The following TASOR2 variants were observed in gnomAD, a reference collection of about 807,000 sequenced individuals.
TASOR2 encodes transcription activation suppressor family member 2.
TASOR2 carries 84 observed loss-of-function variants against 199.5 expected under a neutral mutation model. The observed-to-expected ratio is 0.42, with a 90% CI of 0.35 to 0.50. The LOEUF is 0.50. Ranked by LOEUF, TASOR2 falls within the 20% of genes least tolerant of loss-of-function variation. TASOR2 has a pLI of 0.02. For synonymous variants in TASOR2, 1,103 were observed against 1,046.6 expected, an observed-to-expected ratio of 1.05 and a Z score of -1.04; for missense variants, 2,796 against 2,835.9, an observed-to-expected ratio of 0.99 and a Z score of 0.32.
chr10:5,760,547 T>G (rs1392188960), intron 18 of TASOR2, among the ~76,000 whole-genome samples: 1 of 152,176 alleles, frequency 6.6e-6, no homozygotes, highest in Non-Finnish European at 1.5e-5. Flanking sequence ...ATTTTAAAGT[T>G]TATACAAAAT....
exon 13 of TASOR2, chr10:5,739,952 A>G (rs1450575634): frequency 7.4e-6 from 12 of 1,613,998 alleles, no homozygotes; most frequent in Non-Finnish European, 1.0e-5. Flanking sequence ...AAAAAGGTGA[A>G]TTACTACCTA....
Position 5,722,161 on chromosome 10 carries a change from A to G in TASOR2, c.146+1191A>G, listed in dbSNP as rs1336920299. On this transcript the variant is annotated intron_variant, in intron 6 of 20. Coordinates refer to ENST00000328090, the Ensembl canonical transcript of TASOR2. This position sits in a 1 kb window ranked among gnomAD's most constrained non-coding sequence, Gnocchi z 4.0. ...CTTATTGCTTTGGGGTTGTATAAGA[A>G]AATTTGCTAGGGGCCAGGCACAGTG... Among the ~76,000 whole-genome samples the G allele has an allele frequency of 6.6e-6, 1 of 152,176 alleles. No homozygotes were observed. The highest frequency in any genetic ancestry group is 1.5e-5 in the Non-Finnish European group (1 of 68,046).
chr10:5,710,074 G>C lies in TASOR2; in HGVS notation c.-287-2749G>C, dbSNP rs913738542. Among the ~76,000 whole-genome samples, 1 of 152,158 alleles carries C rather than the reference G, an allele frequency of 6.6e-6. No individual in the cohort carries two copies. Among genetic ancestry groups the C allele is most frequent in the African/African-American group, 2.4e-5 (1 of 41,452 alleles). ...AATAAAGCTTGAGCATTGCTCAGCA[G>C]TTATGAGACCATTCATTCATAAAGT... is the stretch of plus-strand genomic sequence containing the variant. On this transcript the variant is annotated intron_variant, in intron 1 of 20. Transcript: ENST00000328090. The surrounding 1 kb of genome is among the most constrained non-coding windows in gnomAD (Gnocchi z 4.6).
In TASOR2 at chr10:5,754,839, T is replaced by C. The variant is rs536887383; in HGVS notation, c.6607-1774T>C. Among the ~76,000 whole-genome samples, 54 of 151,724 alleles carry C rather than the reference T, an allele frequency of 3.6e-4. No homozygotes were observed. The highest frequency in any genetic ancestry group is 3.4e-3 in the Middle Eastern group (1 of 294). Reference sequence around the variant, plus strand: ...TGGGCGGATCACAAGGTCAGGAGATTGAGACCTTCCTGGCTAACACCGTGA... The same window carrying C: ...TGGGCGGATCACAAGGTCAGGAGATCGAGACCTTCCTGGCTAACACCGTGA... On this transcript the variant is annotated intron_variant, in intron 15 of 20. Transcript: ENST00000328090. The surrounding 1 kb of genome is among the most constrained non-coding windows in gnomAD (Gnocchi z 4.3).
chr10:5,744,693 TG>T (rs1470885946), intron 14 of TASOR2, among the ~76,000 whole-genome samples: 5 of 151,976 alleles, frequency 3.3e-5, no homozygotes, highest in Non-Finnish European at 7.4e-5. Context: ...TTGTTTGGTT[TG>T]GTTTTTTTGA....
In TASOR2 at chr10:5,699,167, T is replaced by A. The variant is rs1050440985; in HGVS notation, c.-287-13656T>A. ...CATAAAAAGGTATGAAATATTGATA[T>A]ATGCTTTAACATGGATGAACTTCAA... is the stretch of plus-strand genomic sequence containing the variant. On this transcript the variant is annotated intron_variant, in intron 1 of 20. Transcript: ENST00000328090. This position sits in a 1 kb window ranked among gnomAD's most constrained non-coding sequence, Gnocchi z 4.1. 6.6e-6 allele frequency among the ~76,000 whole-genome samples: 1 copy of A among 152,166 alleles called. No individual in the cohort carries two copies. Among genetic ancestry groups the A allele is most frequent in the Non-Finnish European group, 1.5e-5 (1 of 67,992 alleles).
chr10:5,743,569 G>A (rs1477189530), intron 14 of TASOR2, among the ~76,000 whole-genome samples: 2 of 152,150 alleles, frequency 1.3e-5, no homozygotes, highest in African/African-American at 2.4e-5. Context: ...AACTATGTAT[G>A]TGCTTTTTTT....
intron 1 of TASOR2, among the ~76,000 whole-genome samples, chr10:5,709,000 C>A (rs1039581477): frequency 6.6e-6 from 1 of 152,094 alleles, no homozygotes; most frequent in Non-Finnish European, 1.5e-5. Flanking sequence ...CCTCGCCCAG[C>A]CTAATCTGAA....
At chr10:5,718,628 G>A (rs902980149) in intron 3 of TASOR2, among the ~76,000 whole-genome samples, 4 of 151,704 alleles carry the variant, frequency 2.6e-5, no homozygotes, top group South Asian at 2.1e-4. Context: ...ACGTGGTGGC[G>A]GGTGCCTGTA....
At chr10:5,727,296 C>T (rs1021433998) in intron 10 of TASOR2, among the ~76,000 whole-genome samples, 173 bp downstream of exon 11, 1 of 152,194 alleles carries the variant, frequency 6.6e-6, no homozygotes, top group Non-Finnish European at 1.5e-5. Flanking sequence ...TTATGCTTCC[C>T]TCTGAGCCTC....
chr10:5,740,152 C>G lies in TASOR2; in HGVS notation c.1982C>G (p.Thr661Arg), dbSNP rs199858709. The change falls in exon 13 of 21, where the codon ACA (threonine) becomes AGA (arginine). Residue 661 changes from threonine to arginine, a missense_variant. Transcript: ENST00000328090. The surrounding 1 kb of genome is among the most constrained non-coding windows in gnomAD (Gnocchi z 5.3). ...GAACATTCATATGCCCTGCTCCTTA[C>G]AGAACATTCAAAGAAACATCTACAG... is the stretch of plus-strand genomic sequence containing the variant. 1 of 1,614,214 alleles carries G rather than the reference C, an allele frequency of 6.2e-7. No individual in the cohort carries two copies. The highest frequency in any genetic ancestry group is 1.3e-5 in the African/African-American group (1 of 75,052).
At chr10:5,686,098 G>T (rs933369449) in intron 1 of TASOR2, among the ~76,000 whole-genome samples, 5 of 152,146 alleles carry the variant, frequency 3.3e-5, no homozygotes, top group South Asian at 4.1e-4. Context: ...TGCCTTATAG[G>T]AATGGGTGAC....
intron 8 of TASOR2, 181 bp from the exon 10 acceptor site, chr10:5,726,704 A>T (rs1834097104): frequency 3.3e-6 from 2 of 601,680 alleles, no homozygotes; most frequent in South Asian, 4.1e-5. Context: ...AACAGGGCCA[A>T]GATTATTTCA....
intron 19 of TASOR2, 198 bp downstream of exon 20, chr10:5,761,669 G>A (rs1454015292): frequency 6.9e-6 from 4 of 575,842 alleles, no homozygotes; most frequent in East Asian, 2.9e-5. Context: ...ATCCTCCTAT[G>A]TATGTAAGTC....
At chr10:5,729,625 T>C (rs180840947) in intron 10 of TASOR2, among the ~76,000 whole-genome samples, 1 of 152,374 alleles carries the variant, frequency 6.6e-6, no homozygotes, top group East Asian at 1.9e-4. Flanking sequence ...TAATAACTGC[T>C]TTAGTGCTAA....
chr10:5,721,910 G>A (rs886905906), intron 6 of TASOR2, among the ~76,000 whole-genome samples: 5 of 152,120 alleles, frequency 3.3e-5, no homozygotes, highest in Admixed American at 2.0e-4. Context: ...CTGCAAAATC[G>A]TCTATATTTT....
chr10:5,728,174 CTG>C (rs1834297892), intron 10 of TASOR2, among the ~76,000 whole-genome samples: 1 of 148,660 alleles, frequency 6.7e-6, no homozygotes. Context: ...CGAGCCAAGA[CTG>C]TGTCACTGCC....
chr10:5,715,998 A>G (rs1832585104), intron 2 of TASOR2, among the ~76,000 whole-genome samples: 1 of 152,200 alleles, frequency 6.6e-6, no homozygotes, highest in Non-Finnish European at 1.5e-5. Flanking sequence ...TAGAGGGCAT[A>G]GCCTACTACA....
At position 5,698,803 on chromosome 10, in the gene TASOR2, T is replaced by C. The variant is rs771354239; in HGVS notation, c.-288+13628T>C. Among the ~76,000 whole-genome samples the C allele has an allele frequency of 4.6e-5, 7 of 152,202 alleles. No individual in the cohort carries two copies. Among genetic ancestry groups the C allele is most frequent in the Non-Finnish European group, 8.8e-5 (6 of 68,022 alleles). On this transcript the variant is annotated intron_variant, in intron 1 of 20. Transcript: ENST00000328090. The surrounding 1 kb of genome is among the most constrained non-coding windows in gnomAD (Gnocchi z 4.4). ...ATATACCACATCATACCCATTAAGA[T>C]AGCTGTAATCAAAAAGACAGATAAT... is the stretch of plus-strand genomic sequence containing the variant.
Sources: allele counts gnomAD v4.1 joint callset (sites outside exome capture counted in the v4.1 genomes callset), GRCh38; gene constraint gnomAD v4.1.1; non-coding constraint Gnocchi (gnomAD v3.1); transcripts MANE v1.5; gene names NCBI Gene and HGNC (gene_info 2026-07-23, HGNC 2026-07-21).